The following NELL1 variants were observed in gnomAD, a reference collection of about 807,000 sequenced individuals.
The protein encoded by NELL1 is protein kinase C-binding protein NELL1.
NELL1 carries 76 observed loss-of-function variants against 107.4 expected under a neutral mutation model. The observed-to-expected ratio is 0.71, with a 90% CI of 0.59 to 0.86. NELL1 has a LOEUF of 0.86. NELL1 is among the 40% of genes least tolerant of loss of function. The pLI is 0.00. For synonymous variants in NELL1, 353 were observed against 341.2 expected (o/e 1.03, Z -0.38); for missense variants, 1,024 against 1,005.5 (o/e 1.02, Z -0.25).
At chr11:21,121,120 T>C (rs1338059193) in intron 13 of NELL1, among the ~76,000 whole-genome samples, 1 of 152,160 alleles carries the variant, frequency 6.6e-6, no homozygotes, top group Non-Finnish European at 1.5e-5. Flanking sequence ...AAAGTAATTC[T>C]AATGTCCAGT....
chr11:21,392,887 A>T (rs973291603), intron 15 of NELL1, among the ~76,000 whole-genome samples: 1 of 151,776 alleles, frequency 6.6e-6, no homozygotes. Flanking sequence ...AGACCAATAG[A>T]GCATTATTTA....
At chr11:20,741,215 G>C (rs1291868617) in intron 2 of NELL1, among the ~76,000 whole-genome samples, 1 of 151,630 alleles carries the variant, frequency 6.6e-6, no homozygotes, top group Non-Finnish European at 1.5e-5. Flanking sequence ...GTGAATTCCT[G>C]GAGCCTTCTC....
intron 14 of NELL1, among the ~76,000 whole-genome samples, chr11:21,232,573 C>T (rs1858092075): frequency 6.6e-6 from 1 of 152,202 alleles, no homozygotes; most frequent in Non-Finnish European, 1.5e-5. Context: ...TTATAGTTAA[C>T]TTTGCCACCT....
rs144212069 is a variant in NELL1, at chr11:21,563,050, A to G, written c.1980+2668A>G. Among the ~76,000 whole-genome samples the G allele has an allele frequency of 1.9e-3, 291 of 152,168 alleles. 1 individual carries two copies. Among genetic ancestry groups the G allele is most frequent in the Non-Finnish European group, 3.4e-3 (233 of 67,990 alleles). On this transcript the variant is annotated intron_variant, in intron 17 of 19. Transcript: ENST00000357134. ...TGTTTTTGTGCATCTTTAGACACCT[A>G]GTTAATTAGGTACAGAAAGATTGCT... is the stretch of plus-strand genomic sequence containing the variant.
At chr11:20,748,428 G>A (rs2133942021) in intron 2 of NELL1, among the ~76,000 whole-genome samples, 1 of 152,210 alleles carries the variant, frequency 6.6e-6, no homozygotes, top group Non-Finnish European at 1.5e-5. Flanking sequence ...AGTAGCTTTT[G>A]GGATACAAAG....
At chr11:21,524,871 TATGAGGAATGACA>T (rs1177347838) in intron 15 of NELL1, among the ~76,000 whole-genome samples, 1 of 152,176 alleles carries the variant, frequency 6.6e-6, no homozygotes, top group African/African-American at 2.4e-5. Context: ...GTTCATTGGT[TATGAGGAATGACA>T]GTGAGGAAGG....
intron 12 of NELL1, among the ~76,000 whole-genome samples, chr11:21,077,530 G>A (rs967216418): frequency 3.3e-5 from 5 of 152,036 alleles, no homozygotes; most frequent in Non-Finnish European, 7.4e-5. Flanking sequence ...ATCACTTGAG[G>A]TCAGGAGTTC....
intron 2 of NELL1, among the ~76,000 whole-genome samples, chr11:20,723,676 G>T (rs1485346114): frequency 1.3e-5 from 2 of 152,128 alleles, no homozygotes. Context: ...CTGGCATCTA[G>T]AGAATGGTGG....
At chr11:21,300,082 G>GAAAACAAAAC (rs955719260) in intron 14 of NELL1, among the ~76,000 whole-genome samples, 1 of 151,996 alleles carries the variant, frequency 6.6e-6, no homozygotes, top group African/African-American at 2.4e-5. Context: ...AGGAAGAAAG[G>GAAAACAAAAC]AAAACAAAAC....
At chr11:20,702,713 G>C (rs147155618) in intron 2 of NELL1, among the ~76,000 whole-genome samples, 5,245 of 152,248 alleles carry the variant, frequency 0.034, 317 homozygotes, top group African/African-American at 0.12. Flanking sequence ...AGAGATTTTA[G>C]CATGAAGCGC....
chr11:20,866,855 A>G (rs1849104444), intron 4 of NELL1, among the ~76,000 whole-genome samples: 1 of 152,132 alleles, frequency 6.6e-6, no homozygotes, highest in African/African-American at 2.4e-5. Flanking sequence ...TGCCTCCAAT[A>G]AGGAAATCAG....
At chr11:21,000,131 C>G (rs1430681674) in intron 12 of NELL1, among the ~76,000 whole-genome samples, 2 of 152,090 alleles carry the variant, frequency 1.3e-5, no homozygotes, top group East Asian at 3.9e-4. Flanking sequence ...CCTTGGAAAA[C>G]TTTTCTACTT....
chr11:21,256,418 G>A (rs1163305684), intron 14 of NELL1, among the ~76,000 whole-genome samples: 1 of 151,998 alleles, frequency 6.6e-6, no homozygotes, highest in African/African-American at 2.4e-5. Context: ...AAATCAAGTG[G>A]CAACAATTAA....
intron 7 of NELL1, among the ~76,000 whole-genome samples, chr11:20,921,227 T>G (rs1303388412): frequency 6.6e-6 from 1 of 152,170 alleles, no homozygotes; most frequent in Non-Finnish European, 1.5e-5. Flanking sequence ...CCAGATTTGG[T>G]CCACTGGCCT....
At chr11:21,525,378 C>T (rs1324436001) in intron 15 of NELL1, among the ~76,000 whole-genome samples, 1 of 152,170 alleles carries the variant, frequency 6.6e-6, no homozygotes, top group East Asian at 1.9e-4. Flanking sequence ...AATCAGTTGA[C>T]TTTGCGGAGA....
rs543494950 is a variant in NELL1 at position 21,005,944 on chromosome 11, G to A, written c.1300+45384G>A. On this transcript the variant is annotated intron_variant, in intron 12 of 19. Transcript: ENST00000357134. ...CAACTGAGGTTTGAATCCCACCTGTGTCAGTTATTAGTGGCCTTGAGCAAC... is the reference window on the plus strand; with the variant it reads ...CAACTGAGGTTTGAATCCCACCTGTATCAGTTATTAGTGGCCTTGAGCAAC... Among the ~76,000 whole-genome samples, 18 of 151,976 alleles carry A rather than the reference G, an allele frequency of 1.2e-4. No individual in the cohort carries two copies. In the South Asian group the frequency reaches 3.7e-3, roughly 32 times the overall value.
intron 13 of NELL1, among the ~76,000 whole-genome samples, chr11:21,117,147 A>G (rs1295367791): frequency 6.6e-6 from 1 of 151,804 alleles, no homozygotes; most frequent in Non-Finnish European, 1.5e-5. Flanking sequence ...ATATTTGTGT[A>G]TTGAGCTCTC....
At chr11:21,312,635 C>T (rs886426539) in intron 14 of NELL1, among the ~76,000 whole-genome samples, 1 of 151,988 alleles carries the variant, frequency 6.6e-6, no homozygotes, top group Non-Finnish European at 1.5e-5. Context: ...GTAAACTGTC[C>T]CTTCAGTGAC....
At chr11:20,974,691 T>G (rs1454524696) in intron 12 of NELL1, among the ~76,000 whole-genome samples, 1 of 152,142 alleles carries the variant, frequency 6.6e-6, no homozygotes, top group Non-Finnish European at 1.5e-5. Flanking sequence ...TCAAAAATCT[T>G]TAGTTAGCTC....
Sources: gnomAD v4.1 joint callset for allele counts (sites outside exome capture counted in the v4.1 genomes callset) on GRCh38, gnomAD v4.1.1 for gene constraint, MANE v1.5 for transcripts, NCBI Gene and HGNC (gene_info 2026-07-23, HGNC 2026-07-21) for gene names.